MFSD2A: variants seen among roughly 807,000 people sequenced by gnomAD.
MFSD2A encodes sodium-dependent lysophosphatidylcholine symporter 1.
Under a neutral mutation model 64.7 loss-of-function variants are expected in MFSD2A, and 27 were observed. The observed-to-expected ratio is 0.42, with a 90% CI of 0.31 to 0.58. The LOEUF is 0.58. MFSD2A is among the 20% of genes least tolerant of loss of function. The probability of loss-of-function intolerance (pLI) is 0.18; values close to 1 mark genes in which losing one functional copy is unlikely to be tolerated. For missense variants in MFSD2A, 474 were observed against 679.5 expected, an observed-to-expected ratio of 0.70 and a Z score of 3.36; for synonymous variants, 258 against 273.4, an observed-to-expected ratio of 0.94 and a Z score of 0.55.
At position 39,955,762 on chromosome 1, in the gene MFSD2A, A is replaced by C. The variant is rs1570230679; in HGVS notation, c.93+377A>C. On this transcript the variant is annotated intron_variant, in intron 1 of 13. Coordinates refer to ENST00000372811, the MANE Select transcript of MFSD2A (RefSeq NM_032793.5). This position sits in a 1 kb window ranked among gnomAD's most constrained non-coding sequence, Gnocchi z 5.9. ...CTTGGTTCCCCATCTCTCATCCCCT[A>C]CCTCCCACTCCACCCACCTACTCTT... 1 of 449,642 alleles carries C rather than the reference A, an allele frequency of 2.2e-6. No homozygotes were observed. 27.9% of individuals were successfully genotyped at this position (449,642 alleles called of 1,614,324 possible). A position where few individuals can be genotyped will look rare whatever the true frequency, so the allele number is the denominator to read the frequency against.
Position 39,958,687 on chromosome 1 carries a change from TCTC to T in MFSD2A, c.229-10_229-8del, listed in dbSNP as rs756158401. 1 of 1,614,038 alleles carries T rather than the reference TCTC, an allele frequency of 6.2e-7. No individual in the cohort carries two copies. The highest frequency in any genetic ancestry group is 2.2e-5 in the East Asian group (1 of 44,870). On this transcript the variant is annotated splice_polypyrimidine_tract_variant and intron_variant, in intron 2 of 13. Coordinates refer to ENST00000372811, the MANE Select transcript of MFSD2A (RefSeq NM_032793.5). The surrounding 1 kb of genome is among the most constrained non-coding windows in gnomAD (Gnocchi z 4.7). ...AAGGATGAGGAAGTTGTCTTTTGCT[TCTC>T]CTCATTCCAGGTGGGCCCTTTCTCT...
At chr1:39,967,404 A>G in intron 9 of MFSD2A, 1 of 625,550 alleles carries the variant, frequency 1.6e-6, no homozygotes, top group Admixed American at 2.9e-5. Context: ...GACACCAGGA[A>G]CTTGGCTCAG....
Position 39,967,734 on chromosome 1 carries a change from G to C in MFSD2A, c.1095+23G>C, listed in dbSNP as rs769808085. On this transcript the variant is annotated intron_variant, in intron 10 of 13. Transcript: ENST00000372811. ...TCAGTGAGTGGGGTTGAAGAGCAGAGCCTGGGTTGAGTTGGGATGTCTGGT... is the reference window on the plus strand; with the variant it reads ...TCAGTGAGTGGGGTTGAAGAGCAGACCCTGGGTTGAGTTGGGATGTCTGGT... 6.8e-6 allele frequency: 11 copies of C among 1,613,326 alleles called. No individual in the cohort carries two copies. In the South Asian group the frequency reaches 1.2e-4, roughly 18 times the overall value.
rs1021616855 is a variant in MFSD2A, at chr1:39,963,110, C to T, written c.354-2101C>T. 48 of 1,352,914 alleles carry T rather than the reference C, an allele frequency of 3.5e-5. No individual in the cohort carries two copies. The highest frequency in any genetic ancestry group is 4.9e-4 in the Middle Eastern group (2 of 4,084). The allele number at this position is 1,352,914 out of a possible 1,614,324, so 83.8% of individuals were successfully genotyped here. A position where few individuals can be genotyped will look rare whatever the true frequency, so the allele number is the denominator to read the frequency against. On this transcript the variant is annotated intron_variant, in intron 3 of 13. Transcript: ENST00000372811. The surrounding 1 kb of genome is among the most constrained non-coding windows in gnomAD (Gnocchi z 4.2). Reference sequence around the variant, plus strand: ...TCCCTTGCAAGGTGACAGGCCGCTGCGGCTCTGTGCTGGTGCGTCTCATCC... The same window carrying T: ...TCCCTTGCAAGGTGACAGGCCGCTGTGGCTCTGTGCTGGTGCGTCTCATCC...
chr1:39,961,733 A>G (rs1645049139), intron 3 of MFSD2A, among the ~76,000 whole-genome samples: 1 of 150,410 alleles, frequency 6.6e-6, no homozygotes, highest in Non-Finnish European at 1.5e-5. Context: ...GCTGTTCTTA[A>G]ACTCCCAGCC....
rs994851427 is a variant in MFSD2A, at chr1:39,960,347, C to A, written c.353+1522C>A. 5.3e-5 allele frequency among the ~76,000 whole-genome samples: 8 copies of A among 152,248 alleles called. No homozygotes were observed. Among genetic ancestry groups the A allele is most frequent in the Non-Finnish European group, 8.8e-5 (6 of 68,044 alleles). The stretch of plus-strand genomic sequence containing the variant: ...TCAAAGCTCTTCCCGCAACCCCTTC[C>A]CCCACTACAGCTTCCTTTCCCACGA... On this transcript the variant is annotated intron_variant, in intron 3 of 13. Transcript: ENST00000372811. This position sits in a 1 kb window ranked among gnomAD's most constrained non-coding sequence, Gnocchi z 4.8.
At position 39,968,632 on chromosome 1, in the gene MFSD2A, G is replaced by A. The variant is rs1420737076; in HGVS notation, c.1416G>A (p.Met472Ile). 6.2e-7 allele frequency: 1 copy of A among 1,614,094 alleles called. No individual in the cohort carries two copies. Among genetic ancestry groups the A allele is most frequent in the African/African-American group, 1.3e-5 (1 of 74,926 alleles). ...AACGTGTCAAGTTTACACTGAACAT[G>A]CTCGTGACCATGGCTCCCATAGTTC... is the stretch of plus-strand genomic sequence containing the variant. ...QPERVKFTLN[M>I]LVTMAPIVLI... The change falls in exon 13 of 14, where the codon ATG becomes ATA. Residue 472 changes from methionine to isoleucine, a missense_variant. Transcript: ENST00000372811. The surrounding 1 kb of genome is among the most constrained non-coding windows in gnomAD (Gnocchi z 4.4).
rs1645125927 is a variant in MFSD2A at position 39,964,991 on chromosome 1, AG to A, written c.354-218del. On this transcript the variant is annotated intron_variant, in intron 3 of 13. Coordinates refer to ENST00000372811, the MANE Select transcript of MFSD2A (RefSeq NM_032793.5). This position sits in a 1 kb window ranked among gnomAD's most constrained non-coding sequence, Gnocchi z 4.1. ...GGCTCTGACCTCACACTCCATGCCT[AG>A]GATTTCAGTCTGGGGTCCCAGTTCC... The A allele has an allele frequency of 1.7e-6, 1 of 599,988 alleles. No homozygotes were observed. Among genetic ancestry groups the A allele is most frequent in the Non-Finnish European group, 2.9e-6 (1 of 341,792 alleles). 37.2% of individuals were successfully genotyped at this position (599,988 alleles called of 1,614,324 possible). A position where few individuals can be genotyped will look rare whatever the true frequency, so the allele number is the denominator to read the frequency against.
chr1:39,959,399 C>T (rs1309942719), intron 3 of MFSD2A, among the ~76,000 whole-genome samples: 1 of 151,958 alleles, frequency 6.6e-6, no homozygotes, highest in South Asian at 2.1e-4. Context: ...AGGCACGTGC[C>T]ACCACACCTG....
rs757031734 is a variant in MFSD2A, at chr1:39,968,442, T to C, written c.1317T>C (p.Ser439=). 7.4e-6 allele frequency: 12 copies of C among 1,614,074 alleles called. No homozygotes were observed. Among genetic ancestry groups the C allele is most frequent in the Middle Eastern group, 1.6e-4 (1 of 6,084 alleles). Residue 439 remains serine, a synonymous_variant, in exon 12 of 14, where the codon TCT becomes TCC. Coordinates refer to ENST00000372811, the MANE Select transcript of MFSD2A (RefSeq NM_032793.5). The surrounding 1 kb of genome is among the most constrained non-coding windows in gnomAD (Gnocchi z 4.4). ...SFYVFFTKFA[S]GVSLGISTLS... ...ATGTCTTCTTCACCAAGTTTGCCTC[T>C]GGAGTGTCACTGGGCATTTCTACCC...
chr1:39,966,256 C>T (rs1366272569), intron 6 of MFSD2A, among the ~76,000 whole-genome samples: 2 of 152,154 alleles, frequency 1.3e-5, no homozygotes, highest in Non-Finnish European at 2.9e-5. Flanking sequence ...GATTTGAATT[C>T]TGGGCTGTCA....
In MFSD2A at chr1:39,965,324, C is replaced by T; in HGVS notation, c.467C>T (p.Thr156Ile). 5 of 1,614,154 alleles carry T rather than the reference C, an allele frequency of 3.1e-6. No homozygotes were observed. The South Asian group carries it at 5.5e-5, about 18-fold the overall frequency. The change falls in exon 4 of 14, where the codon ACA (threonine) becomes ATA (isoleucine). Residue 156 changes from threonine to isoleucine, a missense_variant. By Grantham distance (89) the Thr-to-Ile change is moderately conservative (BLOSUM62 -1). Coordinates refer to ENST00000372811, the MANE Select transcript of MFSD2A (RefSeq NM_032793.5). This position sits in a 1 kb window ranked among gnomAD's most constrained non-coding sequence, Gnocchi z 5.5. The stretch of plus-strand genomic sequence containing the variant: ...CTGCTTTTCTATTGCCTCTTTGAAA[C>T]AATGGTCACGGTGAGTGTGGGTACC... ...WYLLFYCLFETMVTCFHVPYS... is the reference protein window; with the variant it reads ...WYLLFYCLFEIMVTCFHVPYS...
In MFSD2A at chr1:39,967,791, C is replaced by T. The variant is rs140915510; in HGVS notation, c.1096-13C>T. ...CTCCCAGCTGATTCATCTTCCTGCA[C>T]CCCCTTCCCTAGTCAGCAGTGCCAT... On this transcript the variant is annotated splice_polypyrimidine_tract_variant and intron_variant, in intron 10 of 13. Coordinates refer to ENST00000372811, the MANE Select transcript of MFSD2A (RefSeq NM_032793.5). 68 of 1,610,454 alleles carry T rather than the reference C, an allele frequency of 4.2e-5. 1 individual carries two copies. The South Asian group carries it at 5.9e-4, about 14-fold the overall frequency.
chr1:39,961,979 C>T (rs74626175), intron 3 of MFSD2A, among the ~76,000 whole-genome samples: 3,815 of 152,336 alleles, frequency 0.025, 162 homozygotes, highest in African/African-American at 0.087. Context: ...GCATTAGTTA[C>T]GCATGCCAAC....
rs1294547305 is a variant in MFSD2A at position 39,967,183 on chromosome 1, G to A, written c.1011+14G>A. 3 of 1,612,648 alleles carry A rather than the reference G, an allele frequency of 1.9e-6. No homozygotes were observed. The highest frequency in any genetic ancestry group is 1.1e-5 in the South Asian group (1 of 90,944). On this transcript the variant is annotated intron_variant, in intron 9 of 13. Transcript: ENST00000372811. ...CTGGCCATCATGGTGAGTGGGACCTGAGCAGGGGCGGGCAGCCTGGGCTGA... is the reference window on the plus strand; with the variant it reads ...CTGGCCATCATGGTGAGTGGGACCTAAGCAGGGGCGGGCAGCCTGGGCTGA...
Position 39,957,130 on chromosome 1 carries a change from A to G in MFSD2A, c.137A>G (p.Lys46Arg), listed in dbSNP as rs754027979. ...KKKQQLSVCNKLCYALGGAPY... is the reference protein window; with the variant it reads ...KKKQQLSVCNRLCYALGGAPY... ...AAACAACAGTTGTCTGTTTGCAACA[A>G]GCTTTGCTATGCACTTGGGGGAGCC... The change falls in exon 2 of 14, where the codon AAG (lysine) becomes AGG (arginine). Residue 46 changes from lysine (K) to arginine (R), a missense_variant. Lys to Arg is a conservative substitution (Grantham distance 26). Coordinates refer to ENST00000372811, the MANE Select transcript of MFSD2A (RefSeq NM_032793.5). The G allele has an allele frequency of 6.2e-7, 1 of 1,614,098 alleles. No individual in the cohort carries two copies. The highest frequency in any genetic ancestry group is 8.5e-7 in the Non-Finnish European group (1 of 1,179,990).
chr1:39,960,293 C>A lies in MFSD2A; in HGVS notation c.353+1468C>A, dbSNP rs1645008775. 6.6e-6 allele frequency among the ~76,000 whole-genome samples: 1 copy of A among 152,236 alleles called. No homozygotes were observed. The highest frequency in any genetic ancestry group is 2.4e-5 in the African/African-American group (1 of 41,468). ...GGCTTAAGTGGGCGCCTTCCTGCCCCAGGGGCGCCCATACCTGGCCTCCGG... is the reference window on the plus strand; with the variant it reads ...GGCTTAAGTGGGCGCCTTCCTGCCCAAGGGGCGCCCATACCTGGCCTCCGG... On this transcript the variant is annotated intron_variant, in intron 3 of 13. Transcript: ENST00000372811. This position sits in a 1 kb window ranked among gnomAD's most constrained non-coding sequence, Gnocchi z 4.8.
In MFSD2A at chr1:39,967,280, A is replaced by G; in HGVS notation, c.1011+111A>G. ...TCTCAGGCTGGCCCAAGGTCATGAAAGGATGAGGGAGGCTTCTCAGGGTAT... is the reference window on the plus strand; with the variant it reads ...TCTCAGGCTGGCCCAAGGTCATGAAGGGATGAGGGAGGCTTCTCAGGGTAT... On this transcript the variant is annotated intron_variant, in intron 9 of 13. Transcript: ENST00000372811. 6 of 936,128 alleles carry G rather than the reference A, an allele frequency of 6.4e-6. No individual in the cohort carries two copies. The South Asian group carries it at 9.3e-5, about 14-fold the overall frequency. 58.0% of individuals were successfully genotyped at this position (936,128 alleles called of 1,614,324 possible).
chr1:39,959,786 C>T (rs1472175147), intron 3 of MFSD2A, among the ~76,000 whole-genome samples: 1 of 152,166 alleles, frequency 6.6e-6, no homozygotes, highest in African/African-American at 2.4e-5. Flanking sequence ...AAATACCAAG[C>T]AGTGTCTGGG....
Sources: gnomAD v4.1 joint callset for allele counts (sites outside exome capture counted in the v4.1 genomes callset) on GRCh38, gnomAD v4.1.1 for gene constraint, Gnocchi (gnomAD v3.1) non-coding constraint, MANE v1.5 for transcripts, NCBI Gene and HGNC (gene_info 2026-07-23, HGNC 2026-07-21) for gene names.